The following LRRC9 variants were observed in gnomAD, a reference collection of about 807,000 sequenced individuals.
The protein encoded by LRRC9 is leucine rich repeat containing 9.
In LRRC9, 122 loss-of-function variants were observed where a neutral mutation model predicts 63.2. That is an observed-to-expected ratio of 1.93 (90% confidence interval 1.67 to 2.24). LRRC9 has a LOEUF of 2.24. Ranked by LOEUF, LRRC9 falls within the 30% of genes most tolerant of loss-of-function variation. The probability of loss-of-function intolerance (pLI) is 0.00; values close to 1 mark genes in which losing one functional copy is unlikely to be tolerated. For missense variants in LRRC9, 1,071 were observed against 627.7 expected (o/e 1.71, Z -7.55); for synonymous variants, 366 against 213.1 (o/e 1.72, Z -6.25).
Position 59,967,228 on chromosome 14 carries a change from C to A in LRRC9, c.1506+15C>A. On this transcript the variant is annotated intron_variant, in intron 12 of 31. Coordinates refer to ENST00000445360, the Ensembl canonical transcript of LRRC9. ...AAACAAGCAAGGTAGCATAAAATGT[C>A]ATTTAGAATAATGCTTTCTTCCTAG... 2 of 587,138 alleles carry A rather than the reference C, an allele frequency of 3.4e-6. No individual in the cohort carries two copies. The highest frequency in any genetic ancestry group is 4.2e-5 in the South Asian group (2 of 48,016). The allele number at this position is 587,138 out of a possible 1,614,324, so 36.4% of individuals were successfully genotyped here.
In LRRC9 at chr14:59,938,932, C is replaced by CATATACACATATATGCAT. The variant is rs1441504145; in HGVS notation, c.726+365_726+366insCACATATATGCATATATA. Among the ~76,000 whole-genome samples the CATATACACATATATGCAT allele has an allele frequency of 5.6e-3, 662 of 119,258 alleles. 11 individuals carry two copies. Among genetic ancestry groups the CATATACACATATATGCAT allele is most frequent in the African/African-American group, 0.021 (623 of 29,056 alleles). 78.2% of individuals were successfully genotyped at this position (119,258 alleles called of 152,430 possible). ...ATATACACATATGCATATATATACA[C>CATATACACATATATGCAT]ATATATACATATACATACATATATA... On this transcript the variant is annotated intron_variant, in intron 7 of 31. Transcript: ENST00000445360. This position sits in a 1 kb window ranked among gnomAD's most constrained non-coding sequence, Gnocchi z 4.2.
intron 12 of LRRC9, chr14:59,973,377 T>A (rs1885749852): frequency 6.6e-6 from 1 of 152,060 alleles, no homozygotes; most frequent in Non-Finnish European, 1.5e-5. Flanking sequence ...GAATGGATAT[T>A]TAGTGATGTT....
rs1323371306 is a variant in LRRC9, at chr14:59,923,442, A to G, written c.-34+3559A>G. ...GAGCTATCCCTTGTTCTTGAGGATG[A>G]CTCAAAACTGTAATATGGAAGTTCT... On this transcript the variant is annotated intron_variant, in intron 1 of 31. Coordinates refer to ENST00000445360, the Ensembl canonical transcript of LRRC9. This position sits in a 1 kb window ranked among gnomAD's most constrained non-coding sequence, Gnocchi z 4.2. Among the ~76,000 whole-genome samples the G allele has an allele frequency of 6.6e-6, 1 of 152,184 alleles. No homozygotes were observed. The highest frequency in any genetic ancestry group is 1.5e-5 in the Non-Finnish European group (1 of 68,032).
chr14:59,920,066 C>T (rs1290593154), intron 1 of LRRC9, 78 bp from the exon 1 acceptor site: 4 of 152,206 alleles, frequency 2.6e-5, no homozygotes, highest in Non-Finnish European at 5.9e-5. Context: ...TTATCCCCCT[C>T]CCCGCCCCTT....
chr14:60,019,192 T>C (rs181015058), exon 26 of LRRC9: 1 of 700,370 alleles, frequency 1.4e-6, no homozygotes, highest in Non-Finnish European at 2.6e-6. Context: ...ACTTAACCAG[T>C]AGACAACTAC....
Position 59,938,541 on chromosome 14 carries a change from T to C in LRRC9, c.695T>C (p.Val232Ala). ...CTTCAAAGATTTGACACATTGGATG[T>C]GTCAGCAAAGCAAATCAAGGAACTG... The change falls in exon 7 of 32, where the codon GTG (valine) becomes GCG (alanine). Residue 232 changes from valine to alanine, a missense_variant. Val to Ala is a moderately conservative substitution (Grantham distance 64). Coordinates refer to ENST00000445360, the Ensembl canonical transcript of LRRC9. This position sits in a 1 kb window ranked among gnomAD's most constrained non-coding sequence, Gnocchi z 4.2. The C allele has an allele frequency of 1.4e-6, 1 of 694,556 alleles. No individual in the cohort carries two copies. Among genetic ancestry groups the C allele is most frequent in the Non-Finnish European group, 2.6e-6 (1 of 381,498 alleles). The allele number at this position is 694,556 out of a possible 1,614,324, so 43.0% of individuals were successfully genotyped here.
intron 29 of LRRC9, among the ~76,000 whole-genome samples, chr14:60,040,699 T>A (rs781539209): frequency 1.3e-5 from 2 of 151,988 alleles, no homozygotes; most frequent in African/African-American, 2.4e-5. Context: ...CCAATGGGTC[T>A]TAACTCTTTA....
At position 59,978,245 on chromosome 14, in the gene LRRC9, A is replaced by G. The variant is rs77490198; in HGVS notation, c.1878+113A>G. On this transcript the variant is annotated intron_variant, in intron 15 of 31. Transcript: ENST00000445360. ...AAGTTTATATTATGTGCATGTGTGT[A>G]TAATTGTTATTTTGTGAATAACTTA... The G allele has an allele frequency of 2.7e-3, 1,430 of 531,456 alleles. 11 individuals carry two copies. Among genetic ancestry groups the G allele is most frequent in the African/African-American group, 0.024 (1,259 of 51,670 alleles). The allele number at this position is 531,456 out of a possible 1,614,324, so 32.9% of individuals were successfully genotyped here.
chr14:59,938,004 G>C lies in LRRC9; in HGVS notation c.544-386G>C, dbSNP rs944241031. On this transcript the variant is annotated intron_variant, in intron 6 of 31. Transcript: ENST00000445360. The surrounding 1 kb of genome is among the most constrained non-coding windows in gnomAD (Gnocchi z 4.2). ...GCGAGGATGAAGAGGAGTGTTTCTAGGTGATAAGTACAGGAAATAGGGGTG... is the reference window on the plus strand; with the variant it reads ...GCGAGGATGAAGAGGAGTGTTTCTACGTGATAAGTACAGGAAATAGGGGTG... 2.6e-5 allele frequency among the ~76,000 whole-genome samples: 4 copies of C among 152,106 alleles called. No homozygotes were observed.
At chr14:59,995,772 G>A (rs2140176295) in intron 17 of LRRC9, among the ~76,000 whole-genome samples, 1 of 151,618 alleles carries the variant, frequency 6.6e-6, no homozygotes, top group South Asian at 2.1e-4. Flanking sequence ...GAGACGGAAT[G>A]TTGCTCTATA....
Position 59,930,809 on chromosome 14 carries a change from T to C in LRRC9, c.268-109T>C. 1 of 259,492 alleles carries C rather than the reference T, an allele frequency of 3.9e-6. No individual in the cohort carries two copies. The highest frequency in any genetic ancestry group is 9.8e-5 in the South Asian group (1 of 10,186). The allele number at this position is 259,492 out of a possible 1,614,324, so 16.1% of individuals were successfully genotyped here. On this transcript the variant is annotated intron_variant, in intron 3 of 31. Coordinates refer to ENST00000445360, the Ensembl canonical transcript of LRRC9. The surrounding 1 kb of genome is among the most constrained non-coding windows in gnomAD (Gnocchi z 4.9). ...AGTTCATTTTGCTGGATATTGATTTTGCAATAAAATATGATATTTAAAAGA... is the reference window on the plus strand; with the variant it reads ...AGTTCATTTTGCTGGATATTGATTTCGCAATAAAATATGATATTTAAAAGA...
At chr14:59,924,886 C>G (rs1352071149) in intron 1 of LRRC9, among the ~76,000 whole-genome samples, 1 of 151,768 alleles carries the variant, frequency 6.6e-6, no homozygotes, top group Non-Finnish European at 1.5e-5. Flanking sequence ...ACTCTCACTG[C>G]CCCCCATCCC....
Position 59,922,823 on chromosome 14 carries a change from G to A in LRRC9, c.-34+2940G>A, listed in dbSNP as rs1364517134. On this transcript the variant is annotated intron_variant, in intron 1 of 31. Transcript: ENST00000445360. This position sits in a 1 kb window ranked among gnomAD's most constrained non-coding sequence, Gnocchi z 5.3. ...TCTCTAGTCCCACTCTCCTAGGAGAGGAAATTGAGGAAAATATAAAACATT... is the reference window on the plus strand; with the variant it reads ...TCTCTAGTCCCACTCTCCTAGGAGAAGAAATTGAGGAAAATATAAAACATT... 1.3e-5 allele frequency among the ~76,000 whole-genome samples: 2 copies of A among 152,182 alleles called. No homozygotes were observed. Among genetic ancestry groups the A allele is most frequent in the Non-Finnish European group, 2.9e-5 (2 of 68,036 alleles).
intron 17 of LRRC9, among the ~76,000 whole-genome samples, chr14:59,997,436 A>G (rs1168827383): frequency 6.6e-6 from 1 of 152,132 alleles, no homozygotes; most frequent in Non-Finnish European, 1.5e-5. Context: ...CGGTGTTACA[A>G]GGGTAAAATA....
At chr14:59,934,733 AAATCATACTTACTATAT>A (rs1889993087) in intron 6 of LRRC9, among the ~76,000 whole-genome samples, 1 of 152,174 alleles carries the variant, frequency 6.6e-6, no homozygotes, top group African/African-American at 2.4e-5. Context: ...CTAAATCTTT[AAATCATACTTACTATAT>A]GGAAATTCTA....
At chr14:59,928,043 G>T in intron 2 of LRRC9, 52 bp downstream of exon 2, 1 of 663,876 alleles carries the variant, frequency 1.5e-6, no homozygotes, top group South Asian at 1.7e-5. Context: ...ATATAAAATG[G>T]AAAGTTTTTA....
intron 29 of LRRC9, among the ~76,000 whole-genome samples, chr14:60,048,075 A>C (rs907925938): frequency 6.6e-6 from 1 of 152,210 alleles, no homozygotes; most frequent in Non-Finnish European, 1.5e-5. Context: ...GGCAGAACTC[A>C]AGAAGTTCTT....
Position 59,923,084 on chromosome 14 carries a change from A to G in LRRC9, c.-34+3201A>G, listed in dbSNP as rs1888919026. On this transcript the variant is annotated intron_variant, in intron 1 of 31. Transcript: ENST00000445360. This position sits in a 1 kb window ranked among gnomAD's most constrained non-coding sequence, Gnocchi z 4.2. ...AAAGAGCTTCGAAGAGCAGGAGAGT[A>G]GTTACAAGCTGGCCAACAGGACATT... 6.6e-6 allele frequency among the ~76,000 whole-genome samples: 1 copy of G among 152,210 alleles called. No homozygotes were observed. Among genetic ancestry groups the G allele is most frequent in the African/African-American group, 2.4e-5 (1 of 41,450 alleles).
At chr14:59,992,990 C>T (rs1004168393) in intron 17 of LRRC9, among the ~76,000 whole-genome samples, 1 of 152,058 alleles carries the variant, frequency 6.6e-6, no homozygotes, top group African/African-American at 2.4e-5. Flanking sequence ...AGAGCAACTC[C>T]AAGACACATA....
Sources: allele counts gnomAD v4.1 joint callset (sites outside exome capture counted in the v4.1 genomes callset), GRCh38; gene constraint gnomAD v4.1.1; non-coding constraint Gnocchi (gnomAD v3.1); transcripts MANE v1.5; gene names NCBI Gene and HGNC (gene_info 2026-07-23, HGNC 2026-07-21).